HCFC1: variants seen among roughly 807,000 people sequenced by gnomAD.
HCFC1 encodes host cell factor C1.
HCFC1 carries 7 observed loss-of-function variants against 105.5 expected under a neutral mutation model. That is an observed-to-expected ratio of 0.07 (90% CI 0.04 to 0.12). The LOEUF is 0.12. Among genes scored for constraint, HCFC1 ranks in the 10% least tolerant of loss-of-function variants. HCFC1 has a pLI of 1.00. For missense variants in HCFC1, 1,065 were observed against 1,823.6 expected (o/e 0.58, Z 7.58); for synonymous variants, 918 against 828.1 (o/e 1.11, Z -1.86).
At chrX:153,956,120 C>T (rs2148577476) in intron 16 of HCFC1, 71 bp downstream of exon 16, 12 of 982,364 alleles carry the variant, frequency 1.2e-5, no homozygotes, top group South Asian at 8.3e-5. Context: ...TGTGGACGGA[C>T]GGCGTGAGCC....
chrX:153,964,360 G>C, intron 2 of HCFC1, 76 bp from the exon 3 acceptor site: 1 of 1,034,696 alleles, frequency 9.7e-7, no homozygotes, highest in Non-Finnish European at 1.3e-6. Context: ...ACTTGTGGTG[G>C]AGGAGGAAAT....
At chrX:153,958,441 C>T in intron 10 of HCFC1, 128 bp downstream of exon 10, 1 of 723,230 alleles carries the variant, frequency 1.4e-6, no homozygotes, top group Middle Eastern at 3.4e-4. Context: ...GCAGCTCTCA[C>T]CTGAGGCCAT....
intron 12 of HCFC1, 45 bp from the exon 13 acceptor site, chrX:153,957,578 A>AGGGAAGTGTGGTCT (rs1174457705): frequency 8.6e-6 from 9 of 1,048,241 alleles, no homozygotes; most frequent in Non-Finnish European, 1.2e-5. Context: ...ACTGCCAGGA[A>AGGGAAGTGTGGTCT]GGGAAGTGTG....
chrX:153,967,769 C>T (rs1302181553), intron 1 of HCFC1, among the ~76,000 whole-genome samples: 1 of 111,729 alleles, frequency 9.0e-6, no homozygotes, highest in African/African-American at 3.3e-5. Context: ...AACAGGATTT[C>T]CCGACAAATG....
chrX:153,963,836 C>T (rs782715513), intron 3 of HCFC1, among the ~76,000 whole-genome samples: 2 of 112,577 alleles, frequency 1.8e-5, no homozygotes, highest in South Asian at 7.5e-4. Context: ...TGAGAAGGAA[C>T]GCGAGCAGCT....
intron 18 of HCFC1, 189 bp from the exon 19 acceptor site, chrX:153,953,147 C>T: frequency 2.1e-6 from 1 of 471,967 alleles, no homozygotes; most frequent in East Asian, 3.7e-5. Context: ...AGCCAGGCAG[C>T]AGGGCTGAGA....
In HCFC1 at chrX:153,960,406, C is replaced by A; in HGVS notation, c.913G>T (p.Ala305Ser). 1.7e-6 allele frequency: 2 copies of A among 1,190,063 alleles called. No homozygotes were observed. The highest frequency in any genetic ancestry group is 1.9e-5 in the South Asian group (1 of 53,709). The change falls in exon 7 of 26, where the codon GCC becomes TCC. Residue 305 changes from alanine (A) to serine (S), a missense_variant. Transcript: ENST00000310441. ...GTATCCATCAGGATGGTCTCCCAGG[C>A]CATGGTATCTGGGGGAGGGCAGACA... ...TLACLNLDTMAWETILMDTLE... is the reference protein window; with the variant it reads ...TLACLNLDTMSWETILMDTLE...
At position 153,954,493 on chromosome X, in the gene HCFC1, G is replaced by A. The variant is rs1262612681; in HGVS notation, c.3906C>T (p.Thr1302=). 2 of 1,209,427 alleles carry A rather than the reference G, an allele frequency of 1.7e-6. No homozygotes were observed. The highest frequency in any genetic ancestry group is 2.2e-6 in the Non-Finnish European group (2 of 894,664). Residue 1302 remains threonine, a synonymous_variant, in exon 17 of 26, where the codon ACC becomes ACT. Transcript: ENST00000310441. ...PPCETHETGT[T]NTATTSNAGS... ...CTGCATTCGAGGTAGTGGCGGTGTT[G>A]GTGGTGCCTGTCTCGTGGGTCTCAC...
chrX:153,951,573 A>G lies in HCFC1; in HGVS notation c.5379+16T>C. ...CCCAGGCCACGGACTCAGGAGCCCC[A>G]ACACACCCGACTCACCACACCCAGG... is the stretch of plus-strand genomic sequence containing the variant. On this transcript the variant is annotated intron_variant, in intron 21 of 25. Transcript: ENST00000310441. 1 of 1,206,667 alleles carries G rather than the reference A, an allele frequency of 8.3e-7. No individual in the cohort carries two copies.
chrX:153,961,856 G>A (rs1415005513), intron 5 of HCFC1, among the ~76,000 whole-genome samples: 2 of 111,900 alleles, frequency 1.8e-5, no homozygotes, highest in Admixed American at 9.4e-5. Flanking sequence ...TAAAAGTGCC[G>A]TTCAGCTCAT....
Position 153,958,008 on chromosome X carries a change from C to T in HCFC1, c.2028+17G>A, listed in dbSNP as rs1557115663. The T allele has an allele frequency of 8.4e-7, 1 of 1,195,788 alleles. No homozygotes were observed. The highest frequency in any genetic ancestry group is 1.1e-6 in the Non-Finnish European group (1 of 881,243). ...ACCACTGGCAGTGGCCGTAGCCTGGCAGCACCCATCACTCACCAGAGCACT... is the reference window on the plus strand; with the variant it reads ...ACCACTGGCAGTGGCCGTAGCCTGGTAGCACCCATCACTCACCAGAGCACT... On this transcript the variant is annotated intron_variant, in intron 11 of 25. Transcript: ENST00000310441.
At chrX:153,957,974 C>T (rs782796188) in intron 11 of HCFC1, 51 bp downstream of exon 11, 4 of 1,155,556 alleles carry the variant, frequency 3.5e-6, no homozygotes, top group Non-Finnish European at 4.7e-6. Context: ...TGGCCCAGGG[C>T]GGCCATTCAC....
rs2065359877 is a variant in HCFC1, at chrX:153,955,034, G to C, written c.3365C>G (p.Thr1122Arg). 2 of 1,210,975 alleles carry C rather than the reference G, an allele frequency of 1.7e-6. No homozygotes were observed. Among genetic ancestry groups the C allele is most frequent in the Non-Finnish European group, 2.2e-6 (2 of 895,130 alleles). Residue 1122 changes from threonine (T) to arginine (R), a missense_variant, in exon 17 of 26, where the codon ACA (threonine) becomes AGA (arginine). Physicochemically the swap from Thr to Arg is moderately conservative, Grantham distance 71. Transcript: ENST00000310441. ...GTTGGCGCCGACGCTCGACATGGCT[G>C]TAGTGGCAGTGTTGGTGGTGCCCGT... ...HETGTTNTATTAMSSVGANHQ... is the reference protein window; with the variant it reads ...HETGTTNTATRAMSSVGANHQ...
At chrX:153,967,505 C>T (rs914315062) in intron 1 of HCFC1, among the ~76,000 whole-genome samples, 2 of 112,261 alleles carry the variant, frequency 1.8e-5, no homozygotes, top group Non-Finnish European at 3.8e-5. Context: ...TCTGTTCTAC[C>T]TGTCACATTA....
intron 1 of HCFC1, among the ~76,000 whole-genome samples, chrX:153,967,875 G>A (rs1310286527): frequency 9.0e-6 from 1 of 111,550 alleles, no homozygotes; most frequent in African/African-American, 3.3e-5. Context: ...CCTGCCCAAC[G>A]CAATGAACAA....
chrX:153,964,983 C>T (rs782018090), intron 1 of HCFC1, among the ~76,000 whole-genome samples: 1 of 111,789 alleles, frequency 8.9e-6, no homozygotes, highest in South Asian at 3.7e-4. Context: ...CAAGATCCCT[C>T]ATCAGCTACT....
intron 24 of HCFC1, 108 bp downstream of exon 24, chrX:153,950,135 G>C: frequency 1.2e-6 from 1 of 844,870 alleles, no homozygotes; most frequent in South Asian, 2.6e-5. Flanking sequence ...AAAGGAAGCA[G>C]GGAGACGCCG....
rs1557112527 is a variant in HCFC1 at position 153,951,653 on chromosome X, G to T, written c.5315C>A (p.Pro1772Gln). The T allele has an allele frequency of 8.3e-7, 1 of 1,211,191 alleles. No individual in the cohort carries two copies. Among genetic ancestry groups the T allele is most frequent in the South Asian group, 1.8e-5 (1 of 57,020 alleles). The change falls in exon 21 of 26, where the codon CCA becomes CAA. Residue 1772 changes from proline to glutamine, a missense_variant. Coordinates refer to ENST00000310441, the MANE Select transcript of HCFC1 (RefSeq NM_005334.3). ...VAPQPVVVAS[P>Q]AKLQAAATLT... Reference sequence around the variant, plus strand: ...GGTAGCTGCAGCCTGCAGCTTGGCTGGGCTGGCCACCACAACCGGCTGGGG... The same window carrying T: ...GGTAGCTGCAGCCTGCAGCTTGGCTTGGCTGGCCACCACAACCGGCTGGGG...
rs1049220449 is a variant in HCFC1 at position 153,958,097 on chromosome X, T to C, written c.1956A>G (p.Thr652=). The C allele has an allele frequency of 1.7e-6, 2 of 1,211,844 alleles. No individual in the cohort carries two copies. Among genetic ancestry groups the C allele is most frequent in the Non-Finnish European group, 2.2e-6 (2 of 895,329 alleles). The change falls in exon 11 of 26, where the codon ACA becomes ACG. Residue 652 remains threonine (T), a synonymous_variant. Coordinates refer to ENST00000310441, the MANE Select transcript of HCFC1 (RefSeq NM_005334.3). ...TGGTCTTGGTGACCCCGCCCACAAC[T>C]GTGGTCACCACCTGGGCTTGCTGGG... is the stretch of plus-strand genomic sequence containing the variant. ...TVAQQAQVVT[T]VVGGVTKTIT...
Sources: allele counts gnomAD v4.1 joint callset (sites outside exome capture counted in the v4.1 genomes callset), GRCh38; gene constraint gnomAD v4.1.1; transcripts MANE v1.5; gene names NCBI Gene and HGNC (gene_info 2026-07-23, HGNC 2026-07-21).